NFIB: variants seen among roughly 807,000 people sequenced by gnomAD.
NFIB encodes nuclear factor 1 B-type.
A neutral mutation model predicts 61.5 loss-of-function variants in NFIB; 11 were observed. The ratio of observed to expected loss-of-function variants is 0.18; its 90% confidence interval spans 0.11 to 0.30. The LOEUF (loss-of-function observed/expected upper bound fraction) is 0.30. Among genes scored for constraint, NFIB ranks in the 10% least tolerant of loss-of-function variants. The pLI, the probability that NFIB is intolerant of heterozygous loss-of-function variation, is 1.00. For missense variants in NFIB, 471 were observed against 608.9 expected (o/e 0.77, Z 2.38); for synonymous variants, 260 against 216.5 (o/e 1.20, Z -1.76).
At chr9:14,340,023 G>T (rs531483449) in intron 1 of NFIB, among the ~76,000 whole-genome samples, 1 of 152,330 alleles carries the variant, frequency 6.6e-6, no homozygotes, top group East Asian at 1.9e-4. Context: ...TCTTCTTACA[G>T]ATGACCAGAC....
intron 10 of NFIB, among the ~76,000 whole-genome samples, chr9:14,094,025 G>A (rs1258170383): frequency 6.6e-6 from 1 of 152,062 alleles, no homozygotes; most frequent in Non-Finnish European, 1.5e-5. Context: ...CTATGAGAAA[G>A]ACCATTATTA....
chr9:14,259,702 A>T (rs2056563667), intron 2 of NFIB, among the ~76,000 whole-genome samples: 1 of 152,126 alleles, frequency 6.6e-6, no homozygotes, highest in South Asian at 2.1e-4. Flanking sequence ...GGAGTTTAAG[A>T]CCAGCGTGGG....
intron 1 of NFIB, among the ~76,000 whole-genome samples, chr9:14,390,781 C>T (rs1188004735): frequency 6.6e-6 from 1 of 152,162 alleles, no homozygotes; most frequent in Non-Finnish European, 1.5e-5. Context: ...AGAAGTGGGC[C>T]CCCACCACAC....
chr9:14,471,579 T>C, the NFIB span, among the ~76,000 whole-genome samples: 3 of 152,218 alleles, frequency 2.0e-5, no homozygotes, highest in African/African-American at 7.2e-5. Context: ...TTAGGAAGAA[T>C]TGATCTTTGG....
chr9:14,420,696 A>C, the NFIB span, among the ~76,000 whole-genome samples: 3 of 152,238 alleles, frequency 2.0e-5, no homozygotes, highest in East Asian at 1.9e-4. Context: ...GAAAACCCGC[A>C]AAGTGGATAA....
chr9:14,168,098 C>T (rs1251280688), intron 3 of NFIB, among the ~76,000 whole-genome samples: 1 of 152,176 alleles, frequency 6.6e-6, no homozygotes, highest in East Asian at 1.9e-4. Context: ...AAGAGGATCA[C>T]TGTAAGTATC....
At position 14,231,133 on chromosome 9, in the gene NFIB, A is replaced by ATATAT. The variant is rs1392498228; in HGVS notation, c.563-51354_563-51353insATATA. 5.0e-3 allele frequency among the ~76,000 whole-genome samples: 336 copies of ATATAT among 67,018 alleles called. 2 individuals carry two copies. Among genetic ancestry groups the ATATAT allele is most frequent in the African/African-American group, 0.01 (173 of 16,596 alleles). 44.0% of individuals were successfully genotyped at this position (67,018 alleles called of 152,430 possible). ...TTTTTCCATGGGGAAAAAAAAAAAA[A>ATATAT]AAATATATATATATATATATATATA... On this transcript the variant is annotated intron_variant, in intron 2 of 10. Transcript: ENST00000380953.
intron 2 of NFIB, among the ~76,000 whole-genome samples, chr9:14,212,072 A>C (rs2050369937): frequency 1.3e-5 from 2 of 152,208 alleles, no homozygotes; most frequent in South Asian, 2.1e-4. Flanking sequence ...GTCATCTCTA[A>C]AGGTAACTGG....
chr9:14,301,390 T>A (rs550121245), intron 2 of NFIB, among the ~76,000 whole-genome samples: 1 of 152,340 alleles, frequency 6.6e-6, no homozygotes, highest in Admixed American at 6.5e-5. Flanking sequence ...TCCAAATACA[T>A]AATCTAACTA....
chr9:14,234,204 A>G (rs760256648), intron 2 of NFIB, among the ~76,000 whole-genome samples: 1 of 152,270 alleles, frequency 6.6e-6, no homozygotes, highest in Non-Finnish European at 1.5e-5. Flanking sequence ...AGAGATTAGC[A>G]TTCTCAGCAT....
chr9:14,435,207 T>TG, the NFIB span, among the ~76,000 whole-genome samples: 12 of 152,154 alleles, frequency 7.9e-5, no homozygotes. Context: ...GTGAGTCTGG[T>TG]GAAAGTTCAC....
chr9:14,282,226 T>G (rs1301419976), intron 2 of NFIB, among the ~76,000 whole-genome samples: 1 of 152,194 alleles, frequency 6.6e-6, no homozygotes, highest in Non-Finnish European at 1.5e-5. Flanking sequence ...ATTTACCTCA[T>G]TTTATTTGCT....
At chr9:14,466,095 C>T in the NFIB span, among the ~76,000 whole-genome samples, 2 of 152,106 alleles carry the variant, frequency 1.3e-5, no homozygotes, top group Non-Finnish European at 2.9e-5. Flanking sequence ...CAGGAAGGAA[C>T]GATCCAGTTC....
the NFIB span, among the ~76,000 whole-genome samples, chr9:14,521,757 A>T: frequency 6.6e-6 from 1 of 152,214 alleles, no homozygotes; most frequent in Non-Finnish European, 1.5e-5. Context: ...TACATTAGCA[A>T]TCACTCAGTC....
At chr9:14,230,952 T>C (rs772993219) in intron 2 of NFIB, among the ~76,000 whole-genome samples, 1 of 150,084 alleles carries the variant, frequency 6.7e-6, no homozygotes, top group Non-Finnish European at 1.5e-5. Flanking sequence ...GGCATGTGGA[T>C]TCTGGTGGCG....
chr9:14,465,572 T>TACACACACACACACACACAC, the NFIB span, among the ~76,000 whole-genome samples: 34 of 146,308 alleles, frequency 2.3e-4, no homozygotes, highest in African/African-American at 7.8e-4. Context: ...AATGACTTGT[T>TACACACACACACACACACAC]ACACACACAC....
At chr9:14,089,541 C>T (rs990288366) in intron 10 of NFIB, among the ~76,000 whole-genome samples, 3 of 152,026 alleles carry the variant, frequency 2.0e-5, no homozygotes, top group Non-Finnish European at 2.9e-5. Flanking sequence ...CACTCAAATC[C>T]GAATGAATGT....
intron 10 of NFIB, among the ~76,000 whole-genome samples, chr9:14,100,484 A>G (rs1184680837): frequency 2.0e-5 from 3 of 152,116 alleles, no homozygotes; most frequent in Admixed American, 6.5e-5. Flanking sequence ...CGAGGCGGGC[A>G]GATCACGAGG....
intron 1 of NFIB, chr9:14,321,973 C>G: frequency 1.6e-6 from 2 of 1,229,540 alleles, no homozygotes; most frequent in Non-Finnish European, 2.0e-6. Flanking sequence ...TAAAAGAGAT[C>G]TTGAGTCTGT....
Sources: gnomAD v4.1 joint callset for allele counts (sites outside exome capture counted in the v4.1 genomes callset) on GRCh38, gnomAD v4.1.1 for gene constraint, MANE v1.5 for transcripts, NCBI Gene and HGNC (gene_info 2026-07-23, HGNC 2026-07-21) for gene names.